The following AP2A2 variants were observed in gnomAD, a reference collection of about 807,000 sequenced individuals.
AP2A2 encodes the protein AP-2 complex subunit alpha-2.
A neutral mutation model predicts 104.2 loss-of-function variants in AP2A2; 32 were observed. That is an observed-to-expected ratio of 0.31 (90% CI 0.23 to 0.41). The LOEUF is 0.41. Among genes scored for constraint, AP2A2 ranks in the 10% least tolerant of loss-of-function variants. The pLI is 1.00. For missense variants in AP2A2, 912 were observed against 1,261.0 expected, an observed-to-expected ratio of 0.72 and a Z score of 4.19; for synonymous variants, 539 against 533.3, an observed-to-expected ratio of 1.01 and a Z score of -0.15.
intron 2 of AP2A2, among the ~76,000 whole-genome samples, chr11:960,538 C>A (rs1166392625): frequency 6.6e-6 from 1 of 150,874 alleles, no homozygotes; most frequent in Admixed American, 6.6e-5. Flanking sequence ...GTGCCCGGCC[C>A]AGCTGATTTT....
Position 993,404 on chromosome 11 carries a change from G to T in AP2A2, c.1550+23G>T. On this transcript the variant is annotated intron_variant, in intron 12 of 21. Coordinates refer to ENST00000448903, the MANE Select transcript of AP2A2 (RefSeq NM_012305.4). This position sits in a 1 kb window ranked among gnomAD's most constrained non-coding sequence, Gnocchi z 8.2. ...CAGGTGAGAGGCCCTTTGCGAGTCG[G>T]GGCTGTGTGCGCTCCGGCGGGCCTC... 1 of 1,583,138 alleles carries T rather than the reference G, an allele frequency of 6.3e-7. No individual in the cohort carries two copies.
intron 2 of AP2A2, among the ~76,000 whole-genome samples, chr11:967,533 T>G (rs971144193): frequency 6.6e-6 from 1 of 151,832 alleles, no homozygotes; most frequent in Non-Finnish European, 1.5e-5. Flanking sequence ...GGCTTATTTT[T>G]GTATTTTTAG....
At position 972,193 on chromosome 11, in the gene AP2A2, C is replaced by G; in HGVS notation, c.411C>G (p.Ser137Arg). ...FMGLALHCIASVGSREMAEAF... is the reference protein window; with the variant it reads ...FMGLALHCIARVGSREMAEAF... Reference sequence around the variant, plus strand: ...GCCTGGCCCTGCACTGCATCGCCAGCGTGGGCAGCCGGGAGATGGCCGAGG... The same window carrying G: ...GCCTGGCCCTGCACTGCATCGCCAGGGTGGGCAGCCGGGAGATGGCCGAGG... The change falls in exon 4 of 22, where the codon AGC (serine) becomes AGG (arginine). Residue 137 changes from serine to arginine, a missense_variant. Coordinates refer to ENST00000448903, the MANE Select transcript of AP2A2 (RefSeq NM_012305.4). 1 of 1,611,880 alleles carries G rather than the reference C, an allele frequency of 6.2e-7. No homozygotes were observed. The highest frequency in any genetic ancestry group is 8.5e-7 in the Non-Finnish European group (1 of 1,179,482).
chr11:1,008,989 C>T (rs1213749714), intron 18 of AP2A2, 111 bp from the exon 19 acceptor site: 5 of 863,724 alleles, frequency 5.8e-6, no homozygotes, highest in Non-Finnish European at 9.0e-6. Flanking sequence ...CCGACCCGCT[C>T]TGGTGGGTGG....
At chr11:994,417 C>A (rs146848383) in intron 14 of AP2A2, among the ~76,000 whole-genome samples, 172 bp downstream of exon 14, 7 of 151,866 alleles carry the variant, frequency 4.6e-5, no homozygotes, top group Admixed American at 1.3e-4. Flanking sequence ...CTGCTGGACA[C>A]GCTGCTGTCC....
intron 1 of AP2A2, among the ~76,000 whole-genome samples, chr11:948,087 C>A (rs1327979440): frequency 1.3e-5 from 2 of 152,096 alleles, no homozygotes; most frequent in East Asian, 3.8e-4. Context: ...AAATCATTAA[C>A]CTGTGTTTCA....
At chr11:1,009,438 C>G in intron 20 of AP2A2, 41 bp downstream of exon 20, 5 of 1,570,802 alleles carry the variant, frequency 3.2e-6, no homozygotes, top group Non-Finnish European at 3.5e-6. Flanking sequence ...ACACGCAGCC[C>G]GTGACCCCGC....
intron 14 of AP2A2, chr11:995,519 G>C: frequency 2.2e-6 from 1 of 448,026 alleles, no homozygotes; most frequent in South Asian, 1.6e-5. Context: ...ACCCAGTATC[G>C]GCAGGGCTTT....
At chr11:973,998 C>T (rs1346392191) in intron 4 of AP2A2, among the ~76,000 whole-genome samples, 1 of 152,250 alleles carries the variant, frequency 6.6e-6, no homozygotes, top group Non-Finnish European at 1.5e-5. Context: ...AAGTGGGGCA[C>T]TACCTGAACC....
chr11:927,914 A>G (rs11825959), intron 1 of AP2A2, among the ~76,000 whole-genome samples: 124 of 151,940 alleles, frequency 8.2e-4, no homozygotes, highest in African/African-American at 2.7e-3. Context: ...TAATGAGACC[A>G]ACATGCATTT....
chr11:976,817 C>A (rs1026289812), intron 4 of AP2A2, among the ~76,000 whole-genome samples: 14 of 152,236 alleles, frequency 9.2e-5, no homozygotes, highest in Non-Finnish European at 1.8e-4. Flanking sequence ...AACAAGAAAG[C>A]TATTGTTCAA....
intron 1 of AP2A2, among the ~76,000 whole-genome samples, chr11:957,822 C>T (rs1016090048): frequency 1.3e-5 from 2 of 152,212 alleles, no homozygotes; most frequent in Admixed American, 6.5e-5. Flanking sequence ...AATAGGTGTG[C>T]GACTGCTTGG....
chr11:939,195 G>A (rs1315485318), intron 1 of AP2A2, among the ~76,000 whole-genome samples: 1 of 146,446 alleles, frequency 6.8e-6, no homozygotes, highest in Non-Finnish European at 1.5e-5. Context: ...AGGTTGCAGT[G>A]AGCCGAGATC....
chr11:1,003,631 C>A, intron 15 of AP2A2, 91 bp from the exon 16 acceptor site: 2 of 749,768 alleles, frequency 2.7e-6, no homozygotes, highest in Non-Finnish European at 4.2e-6. Flanking sequence ...TTTTTCTGGC[C>A]TCCTCGTGCT....
chr11:997,941 G>A (rs1855907419), intron 14 of AP2A2, among the ~76,000 whole-genome samples: 1 of 152,206 alleles, frequency 6.6e-6, no homozygotes, highest in South Asian at 2.1e-4. Context: ...AGCCATAGAT[G>A]TATTTGAATC....
intron 1 of AP2A2, among the ~76,000 whole-genome samples, chr11:930,586 T>C: frequency 6.6e-6 from 1 of 152,080 alleles, no homozygotes; most frequent in East Asian, 1.9e-4. Flanking sequence ...AGTGGCGCGA[T>C]CTCGGCTCAC....
At chr11:1,008,334 C>G (rs1856280874) in intron 18 of AP2A2, 199 bp downstream of exon 18, 1 of 786,400 alleles carries the variant, frequency 1.3e-6, no homozygotes. Context: ...GAGCCCTGGG[C>G]TCCGGGACGG....
Position 986,876 on chromosome 11 carries a change from AT to A in AP2A2, c.1055del (p.Met352SerfsTer25). 6.2e-7 allele frequency: 1 copy of A among 1,610,028 alleles called. No individual in the cohort carries two copies. Among genetic ancestry groups the A allele is most frequent in the Non-Finnish European group, 8.5e-7 (1 of 1,178,560 alleles). On this transcript the variant is annotated frameshift_variant, in exon 9 of 22. Coordinates refer to ENST00000448903, the MANE Select transcript of AP2A2 (RefSeq NM_012305.4). LOFTEE classifies it high-confidence loss of function. ...TNLRYLALESMCTLASSEFSH... is the reference protein window; with the variant it reads ...TNLRYLALESXCTLASSEFSH... ...CCTGCGCTACCTGGCCCTGGAGAGC[AT>A]GTGCACGCTGGCCAGCTCTGAGTTC... is the stretch of plus-strand genomic sequence containing the variant.
chr11:970,868 T>TC (rs2134621736), intron 3 of AP2A2, among the ~76,000 whole-genome samples: 1 of 152,324 alleles, frequency 6.6e-6, no homozygotes, highest in East Asian at 1.9e-4. Context: ...CACCCCACCA[T>TC]CTCCCCAGCC....
Sources: allele counts gnomAD v4.1 joint callset (sites outside exome capture counted in the v4.1 genomes callset), GRCh38; gene constraint gnomAD v4.1.1; non-coding constraint Gnocchi (gnomAD v3.1); transcripts MANE v1.5; gene names NCBI Gene and HGNC (gene_info 2026-07-23, HGNC 2026-07-21).